The following KIF16B variants were observed in gnomAD, a reference collection of about 807,000 sequenced individuals.
KIF16B encodes the protein kinesin family member 16B, also known as kinesin-like protein KIF16B.
In KIF16B, 98 loss-of-function variants were observed where a neutral mutation model predicts 156.3. The observed-to-expected ratio is 0.63, with a 90% CI of 0.53 to 0.74. The LOEUF (loss-of-function observed/expected upper bound fraction) is 0.74. Among genes scored for constraint, KIF16B ranks in the 30% least tolerant of loss-of-function variants. The probability of loss-of-function intolerance (pLI) is 0.00; values close to 1 mark genes in which losing one functional copy is unlikely to be tolerated. For synonymous variants in KIF16B, 564 were observed against 583.7 expected, an observed-to-expected ratio of 0.97 and a Z score of 0.49; for missense variants, 1,421 against 1,606.5, an observed-to-expected ratio of 0.88 and a Z score of 1.97.
intron 12 of KIF16B, among the ~76,000 whole-genome samples, chr20:16,431,248 A>G (rs1428438460): frequency 3.9e-5 from 6 of 152,174 alleles, no homozygotes; most frequent in African/African-American, 1.4e-4. Flanking sequence ...CACTCAATTC[A>G]GCAGCCAGAA....
intron 12 of KIF16B, among the ~76,000 whole-genome samples, chr20:16,436,462 AAG>A (rs2066643317): frequency 2.0e-5 from 3 of 152,130 alleles, no homozygotes; most frequent in Admixed American, 6.5e-5. Flanking sequence ...CTTCACTTAC[AAG>A]AGAGAGTCAG....
At chr20:16,366,606 G>A (rs2064672028) in intron 22 of KIF16B, among the ~76,000 whole-genome samples, 1 of 152,188 alleles carries the variant, frequency 6.6e-6, no homozygotes, top group African/African-American at 2.4e-5. Flanking sequence ...TCACTGTCTC[G>A]ATTCCGCATA....
Position 16,373,523 on chromosome 20 carries a change from C to CTAAA in KIF16B, c.3350+730_3350+733dup, listed in dbSNP as rs374329346. Among the ~76,000 whole-genome samples, 679 of 152,294 alleles carry CTAAA rather than the reference C, an allele frequency of 4.5e-3. 3 individuals carry two copies. Among genetic ancestry groups the CTAAA allele is most frequent in the Middle Eastern group, 0.031 (9 of 292 alleles). On this transcript the variant is annotated intron_variant, in intron 20 of 25. Coordinates refer to ENST00000354981, the MANE Select transcript of KIF16B (RefSeq NM_024704.5). ...GCCACCTAAGTTGAAAATCACTTAACTAAAGTAACATCAGATACAGATTTA... is the reference window on the plus strand; with the variant it reads ...GCCACCTAAGTTGAAAATCACTTAACTAAATAAAGTAACATCAGATACAGATTTA...
intron 12 of KIF16B, among the ~76,000 whole-genome samples, chr20:16,470,187 A>C (rs1398973577): frequency 1.3e-5 from 2 of 152,228 alleles, no homozygotes; most frequent in African/African-American, 4.8e-5. Context: ...TAGCAGGTAG[A>C]GAGGGTTGAA....
intron 12 of KIF16B, among the ~76,000 whole-genome samples, chr20:16,476,903 C>T (rs1434502773): frequency 6.6e-6 from 1 of 152,010 alleles, no homozygotes; most frequent in Non-Finnish European, 1.5e-5. Context: ...GGACTACAGG[C>T]GCGTGCCACC....
chr20:16,374,308 C>T lies in KIF16B; in HGVS notation c.3299G>A (p.Ser1100Asn), dbSNP rs973428036. 8 of 1,603,630 alleles carry T rather than the reference C, an allele frequency of 5.0e-6. No individual in the cohort carries two copies. In the African/African-American group the frequency reaches 1.1e-4, roughly 21 times the overall value. Residue 1100 changes from serine to asparagine, a missense_variant, in exon 20 of 26, where the codon AGC becomes AAC. Physicochemically the swap from Ser to Asn is conservative, Grantham distance 46. Transcript: ENST00000354981. ...GTLEGKVASSSLPVSAEKSHL... is the reference protein window; with the variant it reads ...GTLEGKVASSNLPVSAEKSHL... ...TGATTTTTCAGCACTGACTGGCAAG[C>T]TGGAAGAAGCCACCTTCCCTTCCAG...
intron 12 of KIF16B, among the ~76,000 whole-genome samples, chr20:16,490,307 G>A (rs1258393133): frequency 9.9e-5 from 15 of 152,272 alleles, no homozygotes; most frequent in African/African-American, 2.9e-4. Flanking sequence ...TTTGGAGGCT[G>A]AGGCAGGTGG....
chr20:16,556,495 CTG>C (rs2070853840), intron 1 of KIF16B, among the ~76,000 whole-genome samples: 1 of 152,202 alleles, frequency 6.6e-6, no homozygotes, highest in African/African-American at 2.4e-5. Context: ...GCGCAAATCA[CTG>C]TGTGTCTATT....
chr20:16,433,352 C>A (rs560116304), intron 12 of KIF16B, among the ~76,000 whole-genome samples: 186 of 151,756 alleles, frequency 1.2e-3, no homozygotes, highest in Non-Finnish European at 1.9e-3. Context: ...TAGACAATAA[C>A]CCCCCACCCC....
At chr20:16,387,091 T>C (rs1600263519) in intron 17 of KIF16B, among the ~76,000 whole-genome samples, 1 of 152,138 alleles carries the variant, frequency 6.6e-6, no homozygotes, top group South Asian at 2.1e-4. Flanking sequence ...CTGTGTTCTA[T>C]ATGGAGTCAG....
chr20:16,493,209 C>A (rs1281205626), intron 12 of KIF16B, among the ~76,000 whole-genome samples: 1 of 152,162 alleles, frequency 6.6e-6, no homozygotes, highest in African/African-American at 2.4e-5. Context: ...CACAACCTAC[C>A]ACCATCTAAA....
At chr20:16,507,856 C>T in intron 7 of KIF16B, 102 bp downstream of exon 7, 2 of 1,255,578 alleles carry the variant, frequency 1.6e-6, no homozygotes, top group Non-Finnish European at 2.3e-6. Context: ...TCACCTTTAC[C>T]TGCTGCTGCT....
chr20:16,491,305 AGAT>A (rs931684186), intron 12 of KIF16B, among the ~76,000 whole-genome samples: 2 of 152,216 alleles, frequency 1.3e-5, no homozygotes, highest in Non-Finnish European at 2.9e-5. Context: ...GTGCTAGGAC[AGAT>A]GATACCGACA....
At chr20:16,380,936 G>A (rs759352902) in intron 18 of KIF16B, among the ~76,000 whole-genome samples, 5 of 152,244 alleles carry the variant, frequency 3.3e-5, no homozygotes, top group Non-Finnish European at 7.3e-5. Flanking sequence ...CCCACCAAAC[G>A]TCTATCTTGG....
chr20:16,497,384 A>G (rs1207345816), intron 11 of KIF16B, among the ~76,000 whole-genome samples: 1 of 152,246 alleles, frequency 6.6e-6, no homozygotes, highest in Non-Finnish European at 1.5e-5. Context: ...ATATCCATTT[A>G]ACTAACCATC....
chr20:16,320,213 C>T (rs2063754205), intron 24 of KIF16B, among the ~76,000 whole-genome samples: 1 of 152,242 alleles, frequency 6.6e-6, no homozygotes, highest in South Asian at 2.1e-4. Flanking sequence ...AACCAATAAA[C>T]CTAGCCTATA....
At chr20:16,339,141 C>A (rs141930505) in intron 23 of KIF16B, among the ~76,000 whole-genome samples, 1 of 152,032 alleles carries the variant, frequency 6.6e-6, no homozygotes, top group East Asian at 1.9e-4. Flanking sequence ...TTGTTAATTG[C>A]GGTGTCTTTC....
intron 25 of KIF16B, among the ~76,000 whole-genome samples, chr20:16,278,990 G>C (rs919532494): frequency 6.6e-6 from 1 of 152,120 alleles, no homozygotes; most frequent in Admixed American, 6.5e-5. Context: ...TTACAAACAC[G>C]GGGAAGGTCC....
At chr20:16,521,761 C>A (rs1403413924) in intron 3 of KIF16B, among the ~76,000 whole-genome samples, 1 of 152,152 alleles carries the variant, frequency 6.6e-6, no homozygotes, top group Non-Finnish European at 1.5e-5. Context: ...ATGTTAAGGG[C>A]AGCCAGAGAG....
Sources: allele counts gnomAD v4.1 joint callset (sites outside exome capture counted in the v4.1 genomes callset), GRCh38; gene constraint gnomAD v4.1.1; transcripts MANE v1.5; gene names NCBI Gene and HGNC (gene_info 2026-07-23, HGNC 2026-07-21).